Variants in SLAIN2 observed in about 807,000 individuals in gnomAD.
SLAIN2 encodes the protein SLAIN motif-containing protein 2.
In SLAIN2, 31 loss-of-function variants were observed where a neutral mutation model predicts 56.6. The ratio of observed to expected loss-of-function variants is 0.55; its 90% CI spans 0.41 to 0.74. The LOEUF (loss-of-function observed/expected upper bound fraction) is 0.74. Ranked by LOEUF, SLAIN2 falls within the 30% of genes least tolerant of loss-of-function variation. The probability of loss-of-function intolerance (pLI) is 0.00; values close to 1 mark genes in which losing one functional copy is unlikely to be tolerated. For missense variants in SLAIN2, 777 were observed against 754.2 expected (o/e 1.03, Z -0.35); for synonymous variants, 317 against 284.9 (o/e 1.11, Z -1.13).
Position 48,425,443 on chromosome 4 carries a change from G to T in SLAIN2, c.*3366G>T, listed in dbSNP as rs189383236. 1 of 151,992 alleles carries T rather than the reference G, an allele frequency of 6.6e-6. No homozygotes were observed. The highest frequency in any genetic ancestry group is 1.5e-5 in the Non-Finnish European group (1 of 67,982). The allele number at this position is 151,992 out of a possible 1,614,324, so 9.4% of individuals were successfully genotyped here. A position where few individuals can be genotyped will look rare whatever the true frequency, so the allele number is the denominator to read the frequency against. On this transcript the variant is annotated 3_prime_UTR_variant, in exon 8 of 8. Transcript: ENST00000264313. Reference sequence around the variant, plus strand: ...CAAATGCGAATATTTAGGTGATCACGTGCATCTTTTCTTGTATGGATGGAA... The same window carrying T: ...CAAATGCGAATATTTAGGTGATCACTTGCATCTTTTCTTGTATGGATGGAA...
At chr4:48,352,976 C>T (rs1047579324) in intron 1 of SLAIN2, among the ~76,000 whole-genome samples, 15 of 152,154 alleles carry the variant, frequency 9.9e-5, no homozygotes, top group East Asian at 9.6e-4. Context: ...CAGAGGTTTC[C>T]GCTTTTGTGT....
chr4:48,378,138 G>T (rs1468899885), intron 3 of SLAIN2, 78 bp downstream of exon 3: 1 of 1,445,174 alleles, frequency 6.9e-7, no homozygotes, highest in African/African-American at 1.4e-5. Flanking sequence ...ACATTCATCT[G>T]CAGTTCGAGT....
At chr4:48,376,972 A>C (rs1295980401) in intron 2 of SLAIN2, among the ~76,000 whole-genome samples, 2 of 145,736 alleles carry the variant, frequency 1.4e-5, no homozygotes, top group Admixed American at 1.4e-4. Flanking sequence ...CTGGCTTAAT[A>C]ATAGTCGGTA....
At chr4:48,368,424 A>G (rs79753664) in intron 1 of SLAIN2, among the ~76,000 whole-genome samples, 3 of 152,208 alleles carry the variant, frequency 2.0e-5, no homozygotes, top group Admixed American at 6.5e-5. Context: ...TATGTAGTAC[A>G]TGTGAGCCAT....
At chr4:48,381,058 C>G (rs935486850) in intron 4 of SLAIN2, among the ~76,000 whole-genome samples, 1 of 152,072 alleles carries the variant, frequency 6.6e-6, no homozygotes, top group Non-Finnish European at 1.5e-5. Context: ...GTGGTATTGT[C>G]AGCTGGTTAG....
intron 1 of SLAIN2, among the ~76,000 whole-genome samples, chr4:48,361,616 T>C (rs956047485): frequency 4.8e-4 from 69 of 144,854 alleles, no homozygotes; most frequent in African/African-American, 1.2e-4. Flanking sequence ...ATTTGCAAAA[T>C]TAAAAAGATT....
chr4:48,358,071 T>G (rs1203493500), intron 1 of SLAIN2, among the ~76,000 whole-genome samples: 1 of 152,214 alleles, frequency 6.6e-6, no homozygotes, highest in Non-Finnish European at 1.5e-5. Flanking sequence ...AAGTATAATA[T>G]TTAAGAGTAC....
chr4:48,363,719 A>G (rs1360564992), intron 1 of SLAIN2, among the ~76,000 whole-genome samples: 28 of 92,110 alleles, frequency 3.0e-4, no homozygotes, highest in Middle Eastern at 7.8e-3. Flanking sequence ...CTCACCTCCC[A>G]GACGGGGCGG....
rs1175751882 is a variant in SLAIN2, at chr4:48,377,916, T to G, written c.559T>G (p.Tyr187Asp). 1 of 1,613,602 alleles carries G rather than the reference T, an allele frequency of 6.2e-7. No individual in the cohort carries two copies. The highest frequency in any genetic ancestry group is 2.2e-5 in the East Asian group (1 of 44,854). Residue 187 changes from tyrosine (Y) to aspartate (D), a missense_variant, in exon 3 of 8, where the codon TAT (tyrosine) becomes GAT (aspartate). By Grantham distance (160) the Tyr-to-Asp change is radical (BLOSUM62 -3). Transcript: ENST00000264313. ...TMSALKRQNL[Y>D]NNPFNSMSYT... is the part of the protein sequence containing the mutation. ...TGCAGCTCTCAAGAGGCAGAATTTA[T>G]ATAATAATCCTTTCAACTCTATGAG...
intron 6 of SLAIN2, among the ~76,000 whole-genome samples, chr4:48,418,416 C>T (rs1717057325): frequency 6.6e-6 from 1 of 151,964 alleles, no homozygotes; most frequent in Admixed American, 6.6e-5. Context: ...TGTTACAATT[C>T]TGTGATTTTT....
In SLAIN2 at chr4:48,342,016, G is replaced by A. The variant is rs765018443; in HGVS notation, c.277G>A (p.Asp93Asn). ...GCGGACGAGTAGCGAAGAGCTGCGG[G>A]ACGCCACCTCCTTGCTAGCGGCGGG... The part of the protein sequence containing the change: ...PRRTSSEELR[D>N]ATSLLAAGEG... Residue 93 changes from aspartate (D) to asparagine (N), a missense_variant, in exon 1 of 8, where the codon GAC (aspartate) becomes AAC (asparagine). By Grantham distance (23) the Asp-to-Asn change is conservative. Transcript: ENST00000264313. 2 of 1,417,348 alleles carry A rather than the reference G, an allele frequency of 1.4e-6. No homozygotes were observed. The highest frequency in any genetic ancestry group is 1.5e-5 in the African/African-American group (1 of 65,920). 87.8% of individuals were successfully genotyped at this position (1,417,348 alleles called of 1,614,324 possible).
intron 6 of SLAIN2, among the ~76,000 whole-genome samples, chr4:48,414,110 T>C (rs920126165): frequency 3.9e-5 from 6 of 152,202 alleles, no homozygotes; most frequent in African/African-American, 1.4e-4. Context: ...AGTCATGTCA[T>C]TTTTATAAAT....
intron 6 of SLAIN2, among the ~76,000 whole-genome samples, chr4:48,395,556 A>G (rs1057154508): frequency 5.3e-5 from 8 of 152,180 alleles, no homozygotes; most frequent in Admixed American, 5.2e-4. Context: ...TGGATTGAGT[A>G]TAATTTAAGG....
intron 6 of SLAIN2, among the ~76,000 whole-genome samples, chr4:48,407,898 G>C (rs1216906792): frequency 1.3e-5 from 2 of 152,050 alleles, no homozygotes; most frequent in Non-Finnish European, 2.9e-5. Flanking sequence ...TACCCTCTCT[G>C]TCTCTAGATT....
At chr4:48,376,573 A>G (rs1715817692) in intron 2 of SLAIN2, among the ~76,000 whole-genome samples, 1 of 150,554 alleles carries the variant, frequency 6.6e-6, no homozygotes, top group Admixed American at 6.6e-5. Context: ...TTTTACATGC[A>G]TAGCACATTT....
At chr4:48,383,089 G>GCC (rs1716012504) in intron 5 of SLAIN2, among the ~76,000 whole-genome samples, 162 bp downstream of exon 5, 1 of 148,988 alleles carries the variant, frequency 6.7e-6, no homozygotes, top group African/African-American at 2.5e-5. Flanking sequence ...GATTGGTTGA[G>GCC]CCCAGGAGTT....
chr4:48,395,137 A>T (rs939488902), intron 6 of SLAIN2, among the ~76,000 whole-genome samples: 1 of 152,200 alleles, frequency 6.6e-6, no homozygotes, highest in Non-Finnish European at 1.5e-5. Context: ...AGCTTTCATA[A>T]TAATAGTTGA....
rs746105062 is a variant in SLAIN2, at chr4:48,383,603, A to T, written c.1223-44A>T. 2.6e-5 allele frequency: 38 copies of T among 1,449,910 alleles called. 1 individual carries two copies. The Middle Eastern group carries it at 5.4e-4, about 20-fold the overall frequency. The allele number at this position is 1,449,910 out of a possible 1,614,324, so 89.8% of individuals were successfully genotyped here. On this transcript the variant is annotated intron_variant, in intron 5 of 7. Transcript: ENST00000264313. ...GCTAGTTAATATTTTAATTTTCTCC[A>T]TCTGAAAGAATATGATTTTTTTAAA...
intron 6 of SLAIN2, among the ~76,000 whole-genome samples, chr4:48,384,570 G>A (rs1716054258): frequency 6.6e-6 from 1 of 152,098 alleles, no homozygotes; most frequent in African/African-American, 2.4e-5. Flanking sequence ...CAAATTCTTA[G>A]AGTTAAAGCT....
Sources: allele counts gnomAD v4.1 joint callset (sites outside exome capture counted in the v4.1 genomes callset), GRCh38; gene constraint gnomAD v4.1.1; transcripts MANE v1.5; gene names NCBI Gene and HGNC (gene_info 2026-07-23, HGNC 2026-07-21).